OTOGL: variants seen among roughly 807,000 people sequenced by gnomAD.
OTOGL encodes the protein otogelin like.
In OTOGL, 285 loss-of-function variants were observed where a neutral mutation model predicts 318.5. The observed-to-expected ratio is 0.89, with a 90% CI of 0.81 to 0.99. OTOGL has a LOEUF of 0.99. Among genes scored for constraint, OTOGL ranks in the 50% least tolerant of loss-of-function variants. The pLI is 0.00. For missense variants in OTOGL, 2,899 were observed against 2,845.6 expected, an observed-to-expected ratio of 1.02 and a Z score of -0.43; for synonymous variants, 987 against 936.5, an observed-to-expected ratio of 1.05 and a Z score of -0.99.
intron 1 of OTOGL, among the ~76,000 whole-genome samples, chr12:80,189,745 T>C (rs2137258406): frequency 6.6e-6 from 1 of 152,308 alleles, no homozygotes; most frequent in Admixed American, 6.5e-5. Context: ...TTGATGCACC[T>C]GGAGCATATC....
intron 11 of OTOGL, among the ~76,000 whole-genome samples, chr12:80,241,051 G>T (rs1450129708): frequency 6.6e-6 from 1 of 152,018 alleles, no homozygotes; most frequent in Non-Finnish European, 1.5e-5. Flanking sequence ...AACCAGACTA[G>T]TTTTTAGTTT....
intron 53 of OTOGL, among the ~76,000 whole-genome samples, chr12:80,367,062 A>T (rs572510143): frequency 6.6e-6 from 1 of 151,708 alleles, no homozygotes; most frequent in South Asian, 2.1e-4. Flanking sequence ...CTGCAGCCTC[A>T]AACTTCTGGG....
chr12:80,181,386 C>G (rs1874910813), intron 1 of OTOGL, among the ~76,000 whole-genome samples: 1 of 151,764 alleles, frequency 6.6e-6, no homozygotes, highest in Admixed American at 6.6e-5. Flanking sequence ...ACTGGCCCAC[C>G]CCCTTTGGTG....
At chr12:80,323,876 G>A (rs375729462) in intron 35 of OTOGL, 36 bp downstream of exon 35, 19 of 1,499,256 alleles carry the variant, frequency 1.3e-5, no homozygotes, top group Non-Finnish European at 1.6e-5. Context: ...TCAAAGTCCA[G>A]CCTTAGCAAA....
chr12:80,119,818 G>A (rs1235693934), intron 1 of OTOGL, among the ~76,000 whole-genome samples: 6 of 152,074 alleles, frequency 3.9e-5, no homozygotes, highest in Non-Finnish European at 7.4e-5. Context: ...ATACTACATG[G>A]TAAACCAGAT....
At chr12:80,312,716 G>A (rs1474100444) in intron 30 of OTOGL, among the ~76,000 whole-genome samples, 1 of 152,218 alleles carries the variant, frequency 6.6e-6, no homozygotes, top group Non-Finnish European at 1.5e-5. Flanking sequence ...CACAGAGCCT[G>A]CTGGTTCTTT....
chr12:80,164,209 C>A (rs1873699600), intron 1 of OTOGL, among the ~76,000 whole-genome samples: 1 of 152,152 alleles, frequency 6.6e-6, no homozygotes. Flanking sequence ...TATAAAACTT[C>A]ATCATGTAGT....
chr12:80,354,977 G>A (rs1889778053), intron 46 of OTOGL, among the ~76,000 whole-genome samples: 1 of 152,038 alleles, frequency 6.6e-6, no homozygotes, highest in Non-Finnish European at 1.5e-5. Context: ...TTCATATGAT[G>A]TAAATGTTAT....
At chr12:80,333,745 A>G (rs1451100) in intron 38 of OTOGL, among the ~76,000 whole-genome samples, 151,781 of 152,228 alleles carry the variant, frequency 1, 75,671 homozygotes, top group Non-Finnish European at 1. Context: ...TAATAAGATG[A>G]TTTGAAAATC....
At chr12:80,246,296 G>C (rs1267463640) in intron 11 of OTOGL, among the ~76,000 whole-genome samples, 1 of 148,094 alleles carries the variant, frequency 6.8e-6, no homozygotes, top group Non-Finnish European at 1.5e-5. Flanking sequence ...ATTGGCTGTG[G>C]GTTTGTCATA....
In OTOGL at chr12:80,366,539, C is replaced by G. The variant is rs752124422; in HGVS notation, c.6268-35C>G. 3 of 215,142 alleles carry G rather than the reference C, an allele frequency of 1.4e-5. No individual in the cohort carries two copies. The East Asian group carries it at 5.6e-4, about 40-fold the overall frequency. The allele number at this position is 215,142 out of a possible 1,614,324, so 13.3% of individuals were successfully genotyped here. On this transcript the variant is annotated intron_variant, in intron 52 of 58. Transcript: ENST00000547103. ...TATATATATATATATATAAAATAAG[C>G]TAAATGATAAGTAATAGTAGTATAT...
chr12:80,138,987 C>T (rs559760567), intron 1 of OTOGL, among the ~76,000 whole-genome samples: 1 of 152,292 alleles, frequency 6.6e-6, no homozygotes, highest in African/African-American at 2.4e-5. Flanking sequence ...TCCTTTTGTA[C>T]TGCAGAGATT....
chr12:80,220,223 G>C (rs910275959), intron 6 of OTOGL, among the ~76,000 whole-genome samples: 1 of 151,964 alleles, frequency 6.6e-6, no homozygotes, highest in African/African-American at 2.4e-5. Context: ...GCAATGGCAC[G>C]ATCTTGGCTG....
At chr12:80,164,275 G>A (rs1192125998) in intron 1 of OTOGL, among the ~76,000 whole-genome samples, 2 of 152,066 alleles carry the variant, frequency 1.3e-5, no homozygotes, top group Non-Finnish European at 2.9e-5. Flanking sequence ...CTATTTCAGG[G>A]TATACATACC....
rs552297991 is a variant in OTOGL at position 80,370,762 on chromosome 12, G to T, written c.6735+73G>T. 92 of 1,157,696 alleles carry T rather than the reference G, an allele frequency of 7.9e-5. No homozygotes were observed. The African/African-American group carries it at 1.4e-3, about 17-fold the overall frequency. The allele number at this position is 1,157,696 out of a possible 1,614,324, so 71.7% of individuals were successfully genotyped here. ...AAAATACACATTGATATTTTCTAAG[G>T]TCATACTTTCATTGTGGCTTATACA... On this transcript the variant is annotated intron_variant, in intron 56 of 58. Coordinates refer to ENST00000547103, the MANE Select transcript of OTOGL (RefSeq NM_001378609.3).
intron 1 of OTOGL, among the ~76,000 whole-genome samples, chr12:80,113,577 A>G (rs1267742225): frequency 6.6e-6 from 1 of 152,164 alleles, no homozygotes; most frequent in Non-Finnish European, 1.5e-5. Flanking sequence ...TGAGTTTCTT[A>G]ATCCTGAGTT....
chr12:80,289,645 T>C (rs1477738549), intron 26 of OTOGL, among the ~76,000 whole-genome samples: 2 of 152,216 alleles, frequency 1.3e-5, no homozygotes, highest in African/African-American at 4.8e-5. Flanking sequence ...TTTGCCACGC[T>C]GTGATGTGTT....
At chr12:80,170,573 A>G (rs1015926642) in intron 1 of OTOGL, among the ~76,000 whole-genome samples, 2 of 151,910 alleles carry the variant, frequency 1.3e-5, no homozygotes, top group African/African-American at 4.8e-5. Context: ...ATCTGAGATT[A>G]CAGGTGCTTG....
At chr12:80,269,611 A>T (rs1196121725) in intron 22 of OTOGL, among the ~76,000 whole-genome samples, 1 of 152,110 alleles carries the variant, frequency 6.6e-6, no homozygotes, top group Non-Finnish European at 1.5e-5. Context: ...ATGTGTTTCC[A>T]CTGAGTGTTA....
Sources: allele counts gnomAD v4.1 joint callset (sites outside exome capture counted in the v4.1 genomes callset), GRCh38; gene constraint gnomAD v4.1.1; transcripts MANE v1.5; gene names NCBI Gene and HGNC (gene_info 2026-07-23, HGNC 2026-07-21).